CRTAC1: variants seen among roughly 807,000 people sequenced by gnomAD.
CRTAC1 encodes the protein cartilage acidic protein 1, also known as acidic secreted protein in cartilage.
Under a neutral mutation model 67.8 loss-of-function variants are expected in CRTAC1, and 37 were observed. The ratio of observed to expected loss-of-function variants is 0.55; its 90% CI spans 0.42 to 0.72. CRTAC1 has a LOEUF of 0.72. Ranked by LOEUF, CRTAC1 falls within the 30% of genes least tolerant of loss-of-function variation. The probability of loss-of-function intolerance (pLI) is 0.00; values close to 1 mark genes in which losing one functional copy is unlikely to be tolerated. For missense variants in CRTAC1, 780 were observed against 931.6 expected, an observed-to-expected ratio of 0.84 and a Z score of 2.12; for synonymous variants, 348 against 371.0, an observed-to-expected ratio of 0.94 and a Z score of 0.71.
intron 14 of CRTAC1, among the ~76,000 whole-genome samples, chr10:97,872,275 A>G (rs2050101959): frequency 6.6e-6 from 1 of 152,188 alleles, no homozygotes; most frequent in Non-Finnish European, 1.5e-5. Context: ...GAAGCAGCTC[A>G]GTACCATGCA....
At chr10:97,953,508 T>C (rs1386725718) in intron 2 of CRTAC1, among the ~76,000 whole-genome samples, 1 of 152,136 alleles carries the variant, frequency 6.6e-6, no homozygotes, top group Non-Finnish European at 1.5e-5. Context: ...ACACTGTCTG[T>C]GTTGGTTTAA....
At chr10:97,940,799 G>A (rs1225968719) in intron 2 of CRTAC1, among the ~76,000 whole-genome samples, 2 of 152,180 alleles carry the variant, frequency 1.3e-5, no homozygotes, top group African/African-American at 4.8e-5. Flanking sequence ...GTGCCAGAGT[G>A]TGTGTGACAA....
intron 2 of CRTAC1, among the ~76,000 whole-genome samples, chr10:98,005,100 A>ATATTTTTTTTTTTTTTTTTTTT: frequency 1.0e-4 from 5 of 48,926 alleles, no homozygotes; most frequent in Non-Finnish European, 1.7e-4. Context: ...ATATATATAT[A>ATATTTTTTTTTTTTTTTTTTTT]TTTTTTTTTT....
intron 3 of CRTAC1, among the ~76,000 whole-genome samples, chr10:97,927,746 C>T (rs781258893): frequency 1.3e-5 from 2 of 152,208 alleles, no homozygotes; most frequent in African/African-American, 2.4e-5. Context: ...GAGGCCTGGG[C>T]GACGGGAGAG....
chr10:97,902,622 C>T lies in CRTAC1; in HGVS notation c.997-983G>A, dbSNP rs1229906087. Among the ~76,000 whole-genome samples the T allele has an allele frequency of 2.0e-5, 3 of 152,160 alleles. No individual in the cohort carries two copies. In the East Asian group the frequency reaches 5.8e-4, roughly 29 times the overall value. On this transcript the variant is annotated intron_variant, in intron 7 of 14. Coordinates refer to ENST00000370597, the MANE Select transcript of CRTAC1 (RefSeq NM_018058.7). ...CTTCTATTTCTGAGCGTAATATCCTCATCATAGGTGGGTTTTTCCCCTAAA... is the reference window on the plus strand; with the variant it reads ...CTTCTATTTCTGAGCGTAATATCCTTATCATAGGTGGGTTTTTCCCCTAAA...
intron 2 of CRTAC1, among the ~76,000 whole-genome samples, chr10:97,993,102 G>C (rs981636774): frequency 6.6e-6 from 1 of 152,100 alleles, no homozygotes; most frequent in South Asian, 2.1e-4. Flanking sequence ...CTGGTTAGTG[G>C]TGCATTTTGA....
At chr10:97,950,244 CACAG>C (rs1170744350) in intron 2 of CRTAC1, among the ~76,000 whole-genome samples, 98 of 112,180 alleles carry the variant, frequency 8.7e-4, no homozygotes, top group African/African-American at 2.8e-3. Context: ...CACACACACA[CACAG>C]AGAGAGAGAG....
intron 1 of CRTAC1, among the ~76,000 whole-genome samples, chr10:98,011,552 C>T (rs1472899680): frequency 3.3e-5 from 5 of 152,040 alleles, no homozygotes; most frequent in African/African-American, 1.2e-4. Context: ...TGGCTGATCG[C>T]CCTTAGCCTG....
intron 12 of CRTAC1, 77 bp from the exon 13 acceptor site, chr10:97,882,905 A>C: frequency 6.9e-7 from 1 of 1,455,054 alleles, no homozygotes; most frequent in Non-Finnish European, 9.6e-7. Context: ...TCACAGCCAC[A>C]GAGTAGTTGT....
Position 97,896,079 on chromosome 10 carries a change from CG to C in CRTAC1, c.1217-95del, listed in dbSNP as rs1211043759. 1.1e-5 allele frequency: 12 copies of C among 1,116,186 alleles called. No individual in the cohort carries two copies. In the South Asian group the frequency reaches 1.6e-4, roughly 15 times the overall value. 69.1% of individuals were successfully genotyped at this position (1,116,186 alleles called of 1,614,324 possible). ...CAAGTGCAGTATCCACAGCCCTGGG[CG>C]TGGGAGCCAGAGAAAGCACAGCACC... On this transcript the variant is annotated intron_variant, in intron 9 of 14. Coordinates refer to ENST00000370597, the MANE Select transcript of CRTAC1 (RefSeq NM_018058.7).
At chr10:97,901,785 G>A (rs1262327206) in intron 7 of CRTAC1, 146 bp from the exon 8 acceptor site, 2 of 961,308 alleles carry the variant, frequency 2.1e-6, no homozygotes, top group South Asian at 1.7e-5. Context: ...AGGACCTGGG[G>A]GCTGCCTTTA....
At chr10:98,006,755 C>T (rs1026230843) in intron 2 of CRTAC1, among the ~76,000 whole-genome samples, 2 of 152,214 alleles carry the variant, frequency 1.3e-5, no homozygotes, top group African/African-American at 4.8e-5. Flanking sequence ...GCTGGCTGTT[C>T]TCCCAGGGGT....
intron 5 of CRTAC1, among the ~76,000 whole-genome samples, chr10:97,911,586 G>A (rs2050688817): frequency 6.6e-6 from 1 of 152,148 alleles, no homozygotes; most frequent in Non-Finnish European, 1.5e-5. Flanking sequence ...GGGGCCCAAC[G>A]GGGGGCTGAG....
chr10:97,936,559 T>C (rs506023), intron 2 of CRTAC1, among the ~76,000 whole-genome samples, 193 bp from the exon 3 acceptor site: 34,160 of 152,072 alleles, frequency 0.22, 3,941 homozygotes, highest in East Asian at 0.26. Flanking sequence ...TGAATCAGAT[T>C]TTGCGCCCGG....
intron 2 of CRTAC1, among the ~76,000 whole-genome samples, chr10:97,972,323 G>A (rs370546008): frequency 6.6e-6 from 1 of 152,230 alleles, no homozygotes; most frequent in Non-Finnish European, 1.5e-5. Context: ...AACTAGCAGT[G>A]TATGTTATAA....
At chr10:97,915,169 T>C (rs2050741258) in intron 5 of CRTAC1, among the ~76,000 whole-genome samples, 1 of 152,122 alleles carries the variant, frequency 6.6e-6, no homozygotes, top group Non-Finnish European at 1.5e-5. Flanking sequence ...GGGGCTGTCA[T>C]CCCAGTGGGT....
At chr10:97,983,024 A>G (rs1590262193) in intron 2 of CRTAC1, among the ~76,000 whole-genome samples, 2 of 152,374 alleles carry the variant, frequency 1.3e-5, no homozygotes, top group East Asian at 1.9e-4. Context: ...TAGACTCTCA[A>G]GATGACTCTG....
intron 4 of CRTAC1, 134 bp from the exon 5 acceptor site, chr10:97,917,790 C>T (rs2050780796): frequency 3.5e-6 from 2 of 574,954 alleles, no homozygotes; most frequent in Non-Finnish European, 5.5e-6. Context: ...TTGCAAATGG[C>T]CTTGCAGGCT....
intron 2 of CRTAC1, among the ~76,000 whole-genome samples, chr10:97,997,408 C>G (rs147785731): frequency 0.027 from 3,780 of 140,200 alleles, 157 homozygotes; most frequent in African/African-American, 0.095. Flanking sequence ...AGCCGAGATA[C>G]TGCCACTGCA....
Sources: gnomAD v4.1 joint callset for allele counts (sites outside exome capture counted in the v4.1 genomes callset) on GRCh38, gnomAD v4.1.1 for gene constraint, MANE v1.5 for transcripts, NCBI Gene and HGNC (gene_info 2026-07-23, HGNC 2026-07-21) for gene names.